Variants in DPP6 observed in about 807,000 individuals in gnomAD.
DPP6 encodes the protein dipeptidyl peptidase like 6.
DPP6 carries 69 observed loss-of-function variants against 122.6 expected under a neutral mutation model. The observed-to-expected ratio is 0.56, with a 90% CI of 0.46 to 0.69. The LOEUF (loss-of-function observed/expected upper bound fraction) is 0.69. DPP6 is among the 30% of genes least tolerant of loss of function. The pLI is 0.00. For synonymous variants in DPP6, 418 were observed against 433.1 expected (o/e 0.97, Z 0.43); for missense variants, 928 against 1,116.9 (o/e 0.83, Z 2.41).
chr7:153,824,025 C>T, the DPP6 span, among the ~76,000 whole-genome samples: 1 of 152,184 alleles, frequency 6.6e-6, no homozygotes, highest in Non-Finnish European at 1.5e-5. Flanking sequence ...CACGTGTCCA[C>T]AGCTTTCCGT....
chr7:154,381,580 G>A (rs1306752761), intron 1 of DPP6, among the ~76,000 whole-genome samples: 1 of 152,140 alleles, frequency 6.6e-6, no homozygotes, highest in Non-Finnish European at 1.5e-5. Flanking sequence ...TAACATCAAA[G>A]CATTAGTAAA....
intron 10 of DPP6, among the ~76,000 whole-genome samples, chr7:154,780,902 A>G (rs1002099309): frequency 6.6e-6 from 1 of 152,136 alleles, no homozygotes; most frequent in Non-Finnish European, 1.5e-5. Flanking sequence ...AGATAAATGC[A>G]TGATGGATGG....
At chr7:154,107,451 G>A (rs1469071292) in intron 1 of DPP6, among the ~76,000 whole-genome samples, 1 of 152,098 alleles carries the variant, frequency 6.6e-6, no homozygotes, top group Non-Finnish European at 1.5e-5. Flanking sequence ...TTGGTACAAG[G>A]ATATAAAATT....
At chr7:154,654,419 T>TTC (rs1837102593) in intron 6 of DPP6, among the ~76,000 whole-genome samples, 3 of 89,254 alleles carry the variant, frequency 3.4e-5, no homozygotes, top group African/African-American at 7.6e-5. Context: ...CTTTCTTTCT[T>TTC]TCTTTCTTTC....
At chr7:154,638,743 TG>T (rs1835883695) in intron 6 of DPP6, among the ~76,000 whole-genome samples, 1 of 152,202 alleles carries the variant, frequency 6.6e-6, no homozygotes, top group Non-Finnish European at 1.5e-5. Flanking sequence ...GAAAAATGGT[TG>T]CAGAACTAGG....
At chr7:154,793,095 G>T (rs1022198564) in intron 10 of DPP6, among the ~76,000 whole-genome samples, 1 of 152,122 alleles carries the variant, frequency 6.6e-6, no homozygotes. Flanking sequence ...ATTAAGTGTA[G>T]TGAGGTCGCT....
Position 154,516,551 on chromosome 7 carries a change from C to T in DPP6, c.458-23981C>T, listed in dbSNP as rs548676475. On this transcript the variant is annotated intron_variant, in intron 3 of 25. Transcript: ENST00000377770. ...TGATTCCTACGAAAGAGGAAAACAACCAGGCAAATCTATCTGGGAAGCACA... is the reference window on the plus strand; with the variant it reads ...TGATTCCTACGAAAGAGGAAAACAATCAGGCAAATCTATCTGGGAAGCACA... 3.3e-5 allele frequency among the ~76,000 whole-genome samples: 5 copies of T among 152,208 alleles called. No homozygotes were observed. In the South Asian group the frequency reaches 1.0e-3, roughly 32 times the overall value.
intron 3 of DPP6, among the ~76,000 whole-genome samples, chr7:154,492,452 G>T (rs1420247423): frequency 6.6e-6 from 1 of 152,154 alleles, no homozygotes; most frequent in Admixed American, 6.5e-5. Flanking sequence ...GACGTCTGTG[G>T]CCAGGTATAT....
chr7:153,961,883 T>TA, intron 1 of DPP6, among the ~76,000 whole-genome samples: 1 of 140,968 alleles, frequency 7.1e-6, no homozygotes, highest in Middle Eastern at 3.4e-3. Context: ...GCTCAGGCAG[T>TA]AATGCGAGCG....
At chr7:154,827,562 C>G (rs945695520) in intron 16 of DPP6, among the ~76,000 whole-genome samples, 2 of 151,864 alleles carry the variant, frequency 1.3e-5, no homozygotes, top group Admixed American at 1.3e-4. Context: ...AAATCAGAGC[C>G]TAAGAGTAAG....
intron 1 of DPP6, among the ~76,000 whole-genome samples, chr7:154,172,892 C>T (rs868100080): frequency 2.4e-4 from 36 of 152,300 alleles, no homozygotes; most frequent in Middle Eastern, 3.4e-3. Context: ...TGAGCCACTG[C>T]GCCTGGCCCT....
intron 1 of DPP6, among the ~76,000 whole-genome samples, chr7:153,919,030 G>A (rs1800511936): frequency 6.7e-6 from 1 of 150,098 alleles, no homozygotes; most frequent in Non-Finnish European, 1.5e-5. Flanking sequence ...GAACTATCCT[G>A]TGTGCCTCGG....
At chr7:154,568,542 A>T (rs910935297) in intron 5 of DPP6, among the ~76,000 whole-genome samples, 1 of 152,214 alleles carries the variant, frequency 6.6e-6, no homozygotes, top group Admixed American at 6.5e-5. Flanking sequence ...TGCTCTAGTC[A>T]GTGGTGCTGT....
intron 1 of DPP6, among the ~76,000 whole-genome samples, chr7:154,149,560 C>T (rs1796305842): frequency 6.6e-6 from 1 of 150,730 alleles, no homozygotes; most frequent in Non-Finnish European, 1.5e-5. Context: ...GGGGGGCTCC[C>T]CACCGAGAGC....
intron 1 of DPP6, among the ~76,000 whole-genome samples, chr7:154,421,606 G>A (rs1398329555): frequency 6.6e-6 from 1 of 152,152 alleles, no homozygotes; most frequent in African/African-American, 2.4e-5. Flanking sequence ...TTACGGGCAT[G>A]AGCCACTGCG....
chr7:154,133,907 C>T (rs937776671), intron 1 of DPP6, among the ~76,000 whole-genome samples: 1 of 151,282 alleles, frequency 6.6e-6, no homozygotes, highest in African/African-American at 2.4e-5. Context: ...CCACGCCCCC[C>T]ATGGCCTCTG....
intron 8 of DPP6, among the ~76,000 whole-genome samples, chr7:154,741,702 A>G (rs1805558716): frequency 1.3e-5 from 2 of 152,164 alleles, no homozygotes; most frequent in African/African-American, 4.8e-5. Context: ...AACCCTAAGG[A>G]CAAGGCAGCC....
intron 6 of DPP6, among the ~76,000 whole-genome samples, chr7:154,645,013 G>A (rs1453562962): frequency 6.6e-6 from 1 of 151,492 alleles, no homozygotes; most frequent in Non-Finnish European, 1.5e-5. Context: ...GCATTGAAGA[G>A]GGGAGAATTC....
chr7:154,390,960 T>G (rs1273175538), intron 1 of DPP6, among the ~76,000 whole-genome samples: 1 of 152,162 alleles, frequency 6.6e-6, no homozygotes, highest in Non-Finnish European at 1.5e-5. Context: ...TCTAACCATG[T>G]GACCTGGGCG....
Sources: allele counts gnomAD v4.1 joint callset (sites outside exome capture counted in the v4.1 genomes callset), GRCh38; gene constraint gnomAD v4.1.1; transcripts MANE v1.5; gene names NCBI Gene and HGNC (gene_info 2026-07-23, HGNC 2026-07-21).